The following COL8A1 variants were observed in gnomAD, a reference collection of about 807,000 sequenced individuals.
COL8A1 encodes collagen alpha-1(VIII) chain.
COL8A1 carries 21 observed loss-of-function variants against 42.7 expected under a neutral mutation model. That is an observed-to-expected ratio of 0.49 (90% CI 0.35 to 0.71). The LOEUF is 0.71. Ranked by LOEUF, COL8A1 falls within the 30% of genes least tolerant of loss-of-function variation. The probability of loss-of-function intolerance (pLI) is 0.01; values close to 1 mark genes in which losing one functional copy is unlikely to be tolerated. For synonymous variants in COL8A1, 367 were observed against 369.1 expected (o/e 0.99, Z 0.06); for missense variants, 788 against 962.4 (o/e 0.82, Z 2.40).
intron 1 of COL8A1, among the ~76,000 whole-genome samples, chr3:99,743,930 CTT>C (rs1311089601): frequency 1.3e-4 from 18 of 139,920 alleles, no homozygotes; most frequent in Non-Finnish European, 7.8e-5. Flanking sequence ...GTAGATAATT[CTT>C]TTTTTTTTTT....
chr3:99,749,228 A>T (rs1941091959), intron 2 of COL8A1, among the ~76,000 whole-genome samples: 2 of 152,118 alleles, frequency 1.3e-5, no homozygotes, highest in Non-Finnish European at 2.9e-5. Context: ...GGCAGTTATT[A>T]TGTGGGCTCA....
intron 1 of COL8A1, among the ~76,000 whole-genome samples, chr3:99,675,017 C>T (rs1341567136): frequency 6.6e-6 from 1 of 152,090 alleles, no homozygotes; most frequent in Non-Finnish European, 1.5e-5. Flanking sequence ...TTCCTTCCAA[C>T]TTGAAATTCA....
chr3:99,742,888 G>A (rs192828884), intron 1 of COL8A1, among the ~76,000 whole-genome samples: 4 of 152,150 alleles, frequency 2.6e-5, no homozygotes, highest in Admixed American at 2.6e-4. Flanking sequence ...GAAAAAAAAT[G>A]AATTTTTAGA....
At chr3:99,765,230 A>G (rs907369137) in intron 2 of COL8A1, among the ~76,000 whole-genome samples, 2 of 152,126 alleles carry the variant, frequency 1.3e-5, no homozygotes, top group African/African-American at 2.4e-5. Flanking sequence ...GTCTTAAAGG[A>G]AGCTTCACCC....
intron 2 of COL8A1, among the ~76,000 whole-genome samples, chr3:99,770,515 G>A (rs1472930953): frequency 1.3e-5 from 2 of 152,146 alleles, no homozygotes; most frequent in Non-Finnish European, 2.9e-5. Flanking sequence ...CAAATGTTGT[G>A]CTAAGCACTT....
intron 1 of COL8A1, among the ~76,000 whole-genome samples, chr3:99,742,452 G>C (rs1002493956): frequency 6.6e-6 from 1 of 152,084 alleles, no homozygotes; most frequent in Non-Finnish European, 1.5e-5. Flanking sequence ...TAAATAATTT[G>C]ATTCATTTCA....
intron 1 of COL8A1, among the ~76,000 whole-genome samples, chr3:99,728,396 T>G (rs575212941): frequency 6.6e-6 from 1 of 152,094 alleles, no homozygotes; most frequent in African/African-American, 2.4e-5. Flanking sequence ...TCCTGCTTCC[T>G]CCTACCATGG....
intron 2 of COL8A1, among the ~76,000 whole-genome samples, chr3:99,750,565 G>T (rs1207262067): frequency 6.6e-6 from 1 of 152,090 alleles, no homozygotes; most frequent in Non-Finnish European, 1.5e-5. Context: ...AGACAAAATT[G>T]TCCAGGGGGA....
At chr3:99,752,296 T>C (rs1311080092) in intron 2 of COL8A1, among the ~76,000 whole-genome samples, 3 of 152,156 alleles carry the variant, frequency 2.0e-5, no homozygotes, top group East Asian at 3.8e-4. Flanking sequence ...AAATCAATAA[T>C]AGATATAAAA....
At position 99,769,788 on chromosome 3, in the gene COL8A1, A is replaced by G. The variant is rs780656060; in HGVS notation, c.-3-20892A>G. On this transcript the variant is annotated intron_variant, in intron 2 of 3. Transcript: ENST00000652472. ...ACAAAAATTAGCTGGGTGTGGTGGT[A>G]CGCACTTGCAGTCCCAGCTACTCAA... Among the ~76,000 whole-genome samples the G allele has an allele frequency of 1.1e-4, 16 of 152,228 alleles. No homozygotes were observed. In the Middle Eastern group the frequency reaches 0.014, roughly 129 times the overall value.
intron 1 of COL8A1, among the ~76,000 whole-genome samples, chr3:99,672,334 C>T (rs952329236): frequency 6.6e-6 from 1 of 151,908 alleles, no homozygotes; most frequent in East Asian, 1.9e-4. Context: ...TTTGGTACTT[C>T]CATGTCAATT....
At chr3:99,736,683 TG>T in intron 1 of COL8A1, among the ~76,000 whole-genome samples, 1 of 152,216 alleles carries the variant, frequency 6.6e-6, no homozygotes, top group South Asian at 2.1e-4. Context: ...AGGTGTGGTG[TG>T]GTGCTGAAAA....
intron 1 of COL8A1, among the ~76,000 whole-genome samples, chr3:99,671,440 A>G (rs1051049255): frequency 2.6e-5 from 4 of 152,074 alleles, no homozygotes; most frequent in Admixed American, 2.6e-4. Context: ...AAATCAAGCT[A>G]CTTAACATAT....
chr3:99,669,460 G>A (rs1247184163), intron 1 of COL8A1, among the ~76,000 whole-genome samples: 5 of 151,820 alleles, frequency 3.3e-5, no homozygotes, highest in Non-Finnish European at 7.4e-5. Flanking sequence ...TAGTTAAATT[G>A]GAATGGCATA....
chr3:99,649,381 A>G (rs994875293), intron 1 of COL8A1, among the ~76,000 whole-genome samples: 3 of 152,150 alleles, frequency 2.0e-5, no homozygotes, highest in South Asian at 2.1e-4. Context: ...ATGTGAAAAG[A>G]AAAGAAAAAA....
At chr3:99,658,466 C>A (rs1426570829) in intron 1 of COL8A1, among the ~76,000 whole-genome samples, 1 of 152,208 alleles carries the variant, frequency 6.6e-6, no homozygotes, top group Non-Finnish European at 1.5e-5. Flanking sequence ...ACATTGCCAG[C>A]ATCCTTCTAT....
intron 1 of COL8A1, among the ~76,000 whole-genome samples, chr3:99,696,951 T>C (rs1379976824): frequency 6.6e-6 from 1 of 151,226 alleles, no homozygotes; most frequent in East Asian, 1.9e-4. Context: ...CCATTTGCTA[T>C]AATCCCCACC....
chr3:99,661,085 C>T (rs369738770), intron 1 of COL8A1, among the ~76,000 whole-genome samples: 4 of 151,980 alleles, frequency 2.6e-5, no homozygotes, highest in African/African-American at 7.3e-5. Context: ...GTAAGATAAA[C>T]GTGCAAAGAT....
intron 2 of COL8A1, among the ~76,000 whole-genome samples, chr3:99,747,309 A>G (rs919861415): frequency 1.3e-5 from 2 of 152,234 alleles, no homozygotes; most frequent in African/African-American, 4.8e-5. Flanking sequence ...CTTTTTGCTC[A>G]TTAAGATACC....
Sources: gnomAD v4.1 joint callset for allele counts (sites outside exome capture counted in the v4.1 genomes callset) on GRCh38, gnomAD v4.1.1 for gene constraint, MANE v1.5 for transcripts, NCBI Gene and HGNC (gene_info 2026-07-23, HGNC 2026-07-21) for gene names.